The following JMJD1C variants were observed in gnomAD, a reference collection of about 807,000 sequenced individuals.
JMJD1C encodes jumonji domain-containing protein 1C.
A neutral mutation model predicts 245.3 loss-of-function variants in JMJD1C; 31 were observed. The ratio of observed to expected loss-of-function variants is 0.13; its 90% confidence interval spans 0.09 to 0.17. The LOEUF is 0.17. Ranked by LOEUF, JMJD1C falls within the 10% of genes least tolerant of loss-of-function variation. The pLI, the probability that JMJD1C is intolerant of heterozygous loss-of-function variation, is 1.00. For missense variants in JMJD1C, 2,691 were observed against 3,000.2 expected (o/e 0.90, Z 2.41); for synonymous variants, 1,057 against 1,017.4 (o/e 1.04, Z -0.74).
intron 2 of JMJD1C, among the ~76,000 whole-genome samples, chr10:63,294,534 T>C (rs1178198049): frequency 6.6e-6 from 1 of 152,188 alleles, no homozygotes; most frequent in Non-Finnish European, 1.5e-5. Context: ...TCCGCCCGCC[T>C]TGGCCTCCCA....
rs1564575845 is a variant in JMJD1C, at chr10:63,190,872, CCAAAAAT to C, written c.6291+15_6291+21del. 1.9e-6 allele frequency: 3 copies of C among 1,607,728 alleles called. No homozygotes were observed. The highest frequency in any genetic ancestry group is 1.7e-5 in the Admixed American group (1 of 60,002). Reference sequence around the variant, plus strand: ...TCTCTATTTAAGGCCCACATTAAAACCAAAAATCTGGCATCACTCACTGGGGCTCCCA... The same window carrying C: ...TCTCTATTTAAGGCCCACATTAAAACCTGGCATCACTCACTGGGGCTCCCA... On this transcript the variant is annotated intron_variant, in intron 17 of 25. Coordinates refer to ENST00000399262, the MANE Select transcript of JMJD1C (RefSeq NM_032776.3).
chr10:63,319,255 TAAAAAAAAAA>T (rs59018554), intron 2 of JMJD1C, among the ~76,000 whole-genome samples: 4 of 85,938 alleles, frequency 4.7e-5, no homozygotes, highest in African/African-American at 1.7e-4. Context: ...AGACTCCATC[TAAAAAAAAAA>T]AAAAAAAAAA....
Position 63,189,145 on chromosome 10 carries a change from CTTT to C in JMJD1C, c.6570+20_6570+22del, listed in dbSNP as rs1844470864. On this transcript the variant is annotated intron_variant, in intron 18 of 25. Transcript: ENST00000399262. ...AAGCTTCAGTTCCACCAAGAGTGTT[CTTT>C]ATCAGCCTAAAATACACACCTGTCC... is the stretch of plus-strand genomic sequence containing the variant. 1.3e-6 allele frequency: 2 copies of C among 1,569,870 alleles called. No individual in the cohort carries two copies. The highest frequency in any genetic ancestry group is 1.7e-6 in the Non-Finnish European group (2 of 1,160,138).
At chr10:63,203,218 T>C (rs1032089636) in intron 10 of JMJD1C, 2 of 984,390 alleles carry the variant, frequency 2.0e-6, no homozygotes, top group Non-Finnish European at 2.4e-6. Context: ...TTAACTGTCA[T>C]AGTATTTGTA....
chr10:63,399,901 T>A (rs988690542), intron 1 of JMJD1C, among the ~76,000 whole-genome samples: 1 of 152,064 alleles, frequency 6.6e-6, no homozygotes, highest in African/African-American at 2.4e-5. Flanking sequence ...ACCTGTTCCC[T>A]ATAATAAATT....
chr10:63,191,127 C>T lies in JMJD1C; in HGVS notation c.6077-19G>A, dbSNP rs750862770. On this transcript the variant is annotated intron_variant, in intron 16 of 25. Coordinates refer to ENST00000399262, the MANE Select transcript of JMJD1C (RefSeq NM_032776.3). ...TTGTTTTCTGAAATAGAAAATTTCACAGATTTTGTTTTGTTTTGTTTTGAG... is the reference window on the plus strand; with the variant it reads ...TTGTTTTCTGAAATAGAAAATTTCATAGATTTTGTTTTGTTTTGTTTTGAG... 1 of 1,588,120 alleles carries T rather than the reference C, an allele frequency of 6.3e-7. No individual in the cohort carries two copies. The highest frequency in any genetic ancestry group is 8.6e-7 in the Non-Finnish European group (1 of 1,157,020).
chr10:63,213,554 A>G lies in JMJD1C; in HGVS notation c.2613T>C (p.His871=). 1 of 1,613,960 alleles carries G rather than the reference A, an allele frequency of 6.2e-7. No homozygotes were observed. Among genetic ancestry groups the G allele is most frequent in the Non-Finnish European group, 8.5e-7 (1 of 1,179,804 alleles). The change falls in exon 8 of 26, where the codon CAT becomes CAC. Residue 871 remains histidine (H), a synonymous_variant. Transcript: ENST00000399262. ...AAGGCAAACCAAGTCCTGAGTATGC[A>G]TGTGTTCCATTTGGATACTGCCAAA... ...PIIWQYPNGT[H]AYSGLGLPSS... is the part of the protein sequence containing the mutation.
At chr10:63,344,501 A>G (rs1367754761) in intron 2 of JMJD1C, among the ~76,000 whole-genome samples, 2 of 152,160 alleles carry the variant, frequency 1.3e-5, no homozygotes, top group South Asian at 2.1e-4. Context: ...GCTATTCGTA[A>G]AAGAGAACTG....
chr10:63,263,392 A>C (rs944869056), intron 3 of JMJD1C, among the ~76,000 whole-genome samples: 4 of 152,186 alleles, frequency 2.6e-5, no homozygotes, highest in African/African-American at 9.6e-5. Flanking sequence ...TTACAAATCC[A>C]TGCACAACAA....
intron 2 of JMJD1C, among the ~76,000 whole-genome samples, chr10:63,322,854 A>C (rs558245178): frequency 1.3e-5 from 2 of 149,570 alleles, no homozygotes; most frequent in East Asian, 3.9e-4. Flanking sequence ...TTGTCAAGGC[A>C]CAGTTGAGGA....
At chr10:63,486,136 G>GT (rs2072479930) in intron 1 of JMJD1C, among the ~76,000 whole-genome samples, 1 of 44,814 alleles carries the variant, frequency 2.2e-5, no homozygotes, top group Non-Finnish European at 3.8e-5. Flanking sequence ...TCAAGCAATT[G>GT]TAAAAAAAAA....
rs375004191 is a variant in JMJD1C, at chr10:63,465,399, G to A, written c.168+96C>T. The A allele has an allele frequency of 3.7e-5, 48 of 1,280,496 alleles. No homozygotes were observed. The East Asian group carries it at 3.8e-4, about 10-fold the overall frequency. The allele number at this position is 1,280,496 out of a possible 1,614,324, so 79.3% of individuals were successfully genotyped here. A position where few individuals can be genotyped will look rare whatever the true frequency, so the allele number is the denominator to read the frequency against. On this transcript the variant is annotated intron_variant, in intron 1 of 25. Coordinates refer to ENST00000399262, the MANE Select transcript of JMJD1C (RefSeq NM_032776.3). ...AGAGGGGCGTGACCGCCAGTTGGCC[G>A]GGCTGAGCGAGGCGCCAGAGGGAAG...
intron 17 of JMJD1C, among the ~76,000 whole-genome samples, chr10:63,190,374 T>C (rs1844641530): frequency 6.6e-6 from 1 of 152,072 alleles, no homozygotes. Context: ...TGGCTAACTT[T>C]TGTATTTTTA....
At chr10:63,184,118 G>T (rs1843818942) in intron 21 of JMJD1C, among the ~76,000 whole-genome samples, 1 of 151,944 alleles carries the variant, frequency 6.6e-6, no homozygotes, top group Non-Finnish European at 1.5e-5. Context: ...GTAGAGATGG[G>T]GTTTCACCAT....
Position 63,214,822 on chromosome 10 carries a change from G to A in JMJD1C, c.1345C>T (p.Arg449Trp), listed in dbSNP as rs778857216. ...EDKKHEEAEK[R>W]KSVDTQLQED... Reference sequence around the variant, plus strand: ...TGAAGCTGAGTGTCAACAGACTTCCGCTTCTCTGCTTCTTCATGTTTTTTA... The same window carrying A: ...TGAAGCTGAGTGTCAACAGACTTCCACTTCTCTGCTTCTTCATGTTTTTTA... The change falls in exon 8 of 26, where the codon CGG becomes TGG. Residue 449 changes from arginine to tryptophan, a missense_variant. By Grantham distance (101) the Arg-to-Trp change is moderately radical. This residue lies in a region of JMJD1C where 1,562 missense variants were observed against 1,490.7 expected (regional missense o/e 1.05). Transcript: ENST00000399262. 3.0e-5 allele frequency: 49 copies of A among 1,613,626 alleles called. No homozygotes were observed. Among genetic ancestry groups the A allele is most frequent in the South Asian group, 1.6e-4 (15 of 91,078 alleles).
intron 1 of JMJD1C, among the ~76,000 whole-genome samples, chr10:63,464,494 A>AT (rs1953042769): frequency 6.6e-6 from 1 of 152,242 alleles, no homozygotes; most frequent in East Asian, 1.9e-4. Flanking sequence ...GGCTCAGGGC[A>AT]TTACAAATAA....
chr10:63,361,719 TAAAAAA>T (rs55879769), intron 2 of JMJD1C, among the ~76,000 whole-genome samples: 2 of 95,606 alleles, frequency 2.1e-5, no homozygotes, highest in African/African-American at 8.8e-5. Flanking sequence ...CTGTCTCAAC[TAAAAAA>T]AAAAAAAAAA....
intron 4 of JMJD1C, 65 bp downstream of exon 4, chr10:63,219,813 C>A (rs888940262): frequency 4.0e-5 from 46 of 1,150,664 alleles, no homozygotes; most frequent in Non-Finnish European, 9.1e-6. Flanking sequence ...ATTGAATAAC[C>A]AAAAACAAAT....
chr10:63,184,026 C>G (rs1432937894), intron 21 of JMJD1C, among the ~76,000 whole-genome samples: 2 of 140,844 alleles, frequency 1.4e-5, no homozygotes, highest in Admixed American at 1.4e-4. Context: ...CTCCCGGGTT[C>G]AAGCAATTCT....
Sources: allele counts gnomAD v4.1 joint callset (sites outside exome capture counted in the v4.1 genomes callset), GRCh38; gene constraint gnomAD v4.1.1; regional missense constraint gnomAD v4.1.1; transcripts MANE v1.5; gene names NCBI Gene and HGNC (gene_info 2026-07-23, HGNC 2026-07-21).